ARHGAP44: variants seen among roughly 807,000 people sequenced by gnomAD.
ARHGAP44 encodes rho GTPase-activating protein 44.
Under a neutral mutation model 106.8 loss-of-function variants are expected in ARHGAP44, and 43 were observed. That is an observed-to-expected ratio of 0.40 (90% CI 0.32 to 0.52). The LOEUF is 0.52. ARHGAP44 is among the 20% of genes least tolerant of loss of function. The probability of loss-of-function intolerance (pLI) is 0.48; values close to 1 mark genes in which losing one functional copy is unlikely to be tolerated. For synonymous variants in ARHGAP44, 439 were observed against 410.3 expected (o/e 1.07, Z -0.85); for missense variants, 866 against 1,050.5 (o/e 0.82, Z 2.43).
rs776983895 is a variant in ARHGAP44, at chr17:12,980,270, G to A, written c.1939+37G>A. ...CTTCCCTTCTCCTTGGTCTCAGGCC[G>A]GAGGTGGCTGTGACATTCCCTGAAG... On this transcript the variant is annotated intron_variant, in intron 19 of 20. Coordinates refer to ENST00000379672, the MANE Select transcript of ARHGAP44 (RefSeq NM_014859.6). 2.3e-5 allele frequency: 36 copies of A among 1,567,066 alleles called. No homozygotes were observed. In the East Asian group the frequency reaches 4.8e-4, roughly 21 times the overall value.
chr17:12,989,310 C>T (rs879272143), intron 20 of ARHGAP44, among the ~76,000 whole-genome samples: 3 of 152,030 alleles, frequency 2.0e-5, no homozygotes, highest in Non-Finnish European at 4.4e-5. Flanking sequence ...AAAGAGGCTT[C>T]GTGTCCACTC....
intron 1 of ARHGAP44, among the ~76,000 whole-genome samples, chr17:12,828,636 CT>C (rs34860101): frequency 8.5e-4 from 79 of 93,228 alleles, no homozygotes; most frequent in Middle Eastern, 7.9e-3. Context: ...TTTTTTCTTT[CT>C]TTTTTTTTTT....
intron 1 of ARHGAP44, among the ~76,000 whole-genome samples, chr17:12,859,512 A>G (rs2036005949): frequency 6.6e-6 from 1 of 152,112 alleles, no homozygotes. Flanking sequence ...TAAGATTTCG[A>G]GTTTGCTTTA....
At chr17:12,965,720 T>C (rs564704636) in intron 16 of ARHGAP44, among the ~76,000 whole-genome samples, 1 of 152,344 alleles carries the variant, frequency 6.6e-6, no homozygotes, top group South Asian at 2.1e-4. Context: ...CACAGGGGGC[T>C]GTAGCATGTA....
intron 1 of ARHGAP44, among the ~76,000 whole-genome samples, chr17:12,892,099 T>C (rs2037066984): frequency 6.6e-6 from 1 of 152,220 alleles, no homozygotes; most frequent in South Asian, 2.1e-4. Flanking sequence ...CTTTGGGTTG[T>C]TTTTAGATAA....
chr17:12,989,229 G>A (rs1018944783), intron 20 of ARHGAP44, among the ~76,000 whole-genome samples: 17 of 151,748 alleles, frequency 1.1e-4, no homozygotes, highest in African/African-American at 4.1e-4. Flanking sequence ...GAGTCAGCAA[G>A]CACAGCCTCG....
At chr17:12,893,599 C>A (rs1280961843) in intron 1 of ARHGAP44, among the ~76,000 whole-genome samples, 1 of 152,158 alleles carries the variant, frequency 6.6e-6, no homozygotes, top group East Asian at 1.9e-4. Context: ...TCTGATGCTC[C>A]CACACTGATG....
intron 1 of ARHGAP44, among the ~76,000 whole-genome samples, chr17:12,857,623 C>G (rs2150860181): frequency 6.6e-6 from 1 of 152,186 alleles, no homozygotes; most frequent in South Asian, 2.1e-4. Context: ...GATGGCCTTC[C>G]CATGCAGTTG....
intron 1 of ARHGAP44, among the ~76,000 whole-genome samples, chr17:12,799,169 C>G (rs966774593): frequency 1.3e-5 from 2 of 152,168 alleles, no homozygotes; most frequent in African/African-American, 4.8e-5. Flanking sequence ...GTAAATTCTG[C>G]TTTTCTCAGA....
intron 1 of ARHGAP44, among the ~76,000 whole-genome samples, chr17:12,798,456 T>C (rs1489670066): frequency 6.6e-6 from 1 of 152,194 alleles, no homozygotes; most frequent in Non-Finnish European, 1.5e-5. Flanking sequence ...ACTCAATAAT[T>C]TATTCCGTAT....
chr17:12,856,625 G>A (rs527679327), intron 1 of ARHGAP44, among the ~76,000 whole-genome samples: 202 of 152,164 alleles, frequency 1.3e-3, no homozygotes, highest in Non-Finnish European at 2.0e-3. Context: ...TATAACATAC[G>A]GGTTATGAAA....
At chr17:12,861,653 T>TTTTTTTTTTAAA (rs755400921) in intron 1 of ARHGAP44, among the ~76,000 whole-genome samples, 9 of 59,146 alleles carry the variant, frequency 1.5e-4, no homozygotes, top group Non-Finnish European at 2.6e-4. Context: ...ACTTTTTTTT[T>TTTTTTTTTTAAA]TTTTTGAGAT....
chr17:12,985,720 G>T (rs1476116246), intron 20 of ARHGAP44: 1 of 152,218 alleles, frequency 6.6e-6, no homozygotes, highest in East Asian at 1.9e-4. Context: ...AGTCATTTGA[G>T]CATTTTCCTT....
In ARHGAP44 at chr17:12,990,806, C is replaced by G. The variant is rs551942438; in HGVS notation, c.*635C>G. 1 of 152,350 alleles carries G rather than the reference C, an allele frequency of 6.6e-6. No homozygotes were observed. The highest frequency in any genetic ancestry group is 2.1e-4 in the South Asian group (1 of 4,828). 9.4% of individuals were successfully genotyped at this position (152,350 alleles called of 1,614,324 possible). On this transcript the variant is annotated 3_prime_UTR_variant, in exon 21 of 21. Transcript: ENST00000379672. ...AATGTTTCACTTCCTAACAGTTTTC[C>G]TTTTTCCACTGTGTGACTGAAAGCT...
intron 1 of ARHGAP44, among the ~76,000 whole-genome samples, chr17:12,850,033 C>T (rs1280790856): frequency 1.3e-5 from 2 of 152,148 alleles, no homozygotes; most frequent in Non-Finnish European, 1.5e-5. Flanking sequence ...TCTCTTTGGC[C>T]TGCTAGGTTG....
chr17:12,859,858 G>T (rs1316029176), intron 1 of ARHGAP44, among the ~76,000 whole-genome samples: 1 of 152,228 alleles, frequency 6.6e-6, no homozygotes, highest in Non-Finnish European at 1.5e-5. Context: ...CTTGATTGCA[G>T]TTAACACCGA....
intron 3 of ARHGAP44, among the ~76,000 whole-genome samples, chr17:12,907,783 G>A (rs971995456): frequency 6.6e-6 from 1 of 152,078 alleles, no homozygotes; most frequent in African/African-American, 2.4e-5. Flanking sequence ...TCACATTTGT[G>A]TACCTCTTTT....
rs1216428970 is a variant in ARHGAP44 at position 12,917,641 on chromosome 17, G to A, written c.387+1630G>A. Among the ~76,000 whole-genome samples, 6 of 152,140 alleles carry A rather than the reference G, an allele frequency of 3.9e-5. No homozygotes were observed. In the East Asian group the frequency reaches 1.2e-3, roughly 30 times the overall value. ...CTCTCAGCTACACCCGGAAAAATAC[G>A]TCACTAGCCTTTGAGGCATCCATCA... On this transcript the variant is annotated intron_variant, in intron 5 of 20. Transcript: ENST00000379672.
chr17:12,907,829 C>T (rs2037600972), intron 3 of ARHGAP44, among the ~76,000 whole-genome samples: 1 of 151,966 alleles, frequency 6.6e-6, no homozygotes, highest in Admixed American at 6.6e-5. Flanking sequence ...GGATATATAC[C>T]CAGGAGTGGA....
Sources: gnomAD v4.1 joint callset for allele counts (sites outside exome capture counted in the v4.1 genomes callset) on GRCh38, gnomAD v4.1.1 for gene constraint, MANE v1.5 for transcripts, NCBI Gene and HGNC (gene_info 2026-07-23, HGNC 2026-07-21) for gene names.